CDK8: variants seen among roughly 807,000 people sequenced by gnomAD.
CDK8 encodes cyclin-dependent kinase 8.
A neutral mutation model predicts 71.5 loss-of-function variants in CDK8; 29 were observed. The observed-to-expected ratio is 0.41, with a 90% CI of 0.30 to 0.55. The LOEUF is 0.55. Among genes scored for constraint, CDK8 ranks in the 20% least tolerant of loss-of-function variants. The pLI is 0.37. For synonymous variants in CDK8, 161 were observed against 192.1 expected, an observed-to-expected ratio of 0.84 and a Z score of 1.34; for missense variants, 288 against 572.6, an observed-to-expected ratio of 0.50 and a Z score of 5.07.
intron 3 of CDK8, among the ~76,000 whole-genome samples, chr13:26,350,513 T>C (rs1028197949): frequency 2.6e-5 from 4 of 152,140 alleles, no homozygotes; most frequent in Admixed American, 2.6e-4. Flanking sequence ...GCACATGCTG[T>C]GGTCCCAGCT....
chr13:26,289,675 C>T lies in CDK8; in HGVS notation c.128+34906C>T, dbSNP rs151184947. 6.2e-3 allele frequency among the ~76,000 whole-genome samples: 936 copies of T among 152,078 alleles called. 2 individuals carry two copies. The highest frequency in any genetic ancestry group is 0.021 in the African/African-American group (891 of 41,476). On this transcript the variant is annotated intron_variant, in intron 1 of 12. Transcript: ENST00000381527. ...ACGCCATTCTCCTGCCTCAGCCTCC[C>T]GAGTAGCTGGGACTAAAGGCACCTG... is the stretch of plus-strand genomic sequence containing the variant.
chr13:26,306,061 ATTTG>A, intron 1 of CDK8, among the ~76,000 whole-genome samples: 1 of 152,120 alleles, frequency 6.6e-6, no homozygotes, highest in Admixed American at 6.5e-5. Context: ...AAGCACATTT[ATTTG>A]GTGCCTGAAA....
At chr13:26,344,899 T>C (rs1188042622) in intron 2 of CDK8, among the ~76,000 whole-genome samples, 2 of 152,054 alleles carry the variant, frequency 1.3e-5, no homozygotes, top group Non-Finnish European at 2.9e-5. Flanking sequence ...CACTCTACAA[T>C]AGTGATAAAA....
At chr13:26,332,155 T>C (rs1406662636) in intron 1 of CDK8, among the ~76,000 whole-genome samples, 1 of 152,166 alleles carries the variant, frequency 6.6e-6, no homozygotes, top group African/African-American at 2.4e-5. Context: ...ACGTTGATTT[T>C]GTAACCTGCA....
intron 5 of CDK8, among the ~76,000 whole-genome samples, chr13:26,384,298 T>TA (rs1395297344): frequency 2.0e-5 from 3 of 152,050 alleles, no homozygotes; most frequent in African/African-American, 7.3e-5. Context: ...CCTACTTCAT[T>TA]AAAAAATGTG....
At chr13:26,361,180 A>G (rs1015950215) in intron 4 of CDK8, among the ~76,000 whole-genome samples, 4 of 152,188 alleles carry the variant, frequency 2.6e-5, no homozygotes, top group Non-Finnish European at 5.9e-5. Context: ...ATTCAAAAAC[A>G]TCTTAAGGTT....
At chr13:26,380,024 G>A (rs961467618) in intron 4 of CDK8, among the ~76,000 whole-genome samples, 10 of 152,176 alleles carry the variant, frequency 6.6e-5, no homozygotes, top group African/African-American at 1.2e-4. Flanking sequence ...AAAGAATGGC[G>A]AAAACATGAA....
rs1408643493 is a variant in CDK8, at chr13:26,274,854, C to T, written c.128+20085C>T. ...ATTTATGACTTCTTAAATGTGTAAT[C>T]AAATGTATCAGTCTTTTATTGCTTC... On this transcript the variant is annotated intron_variant, in intron 1 of 12. Coordinates refer to ENST00000381527, the MANE Select transcript of CDK8 (RefSeq NM_001260.3). 6.6e-5 allele frequency among the ~76,000 whole-genome samples: 10 copies of T among 152,186 alleles called. No homozygotes were observed. The East Asian group carries it at 1.9e-3, about 29-fold the overall frequency.
intron 6 of CDK8, among the ~76,000 whole-genome samples, chr13:26,391,777 G>T (rs1451999271): frequency 6.6e-6 from 1 of 152,176 alleles, no homozygotes; most frequent in African/African-American, 2.4e-5. Context: ...TCTCTGATAT[G>T]TAAATACGAT....
chr13:26,322,808 C>G (rs985386304), intron 1 of CDK8, among the ~76,000 whole-genome samples: 1 of 152,018 alleles, frequency 6.6e-6, no homozygotes, highest in South Asian at 2.1e-4. Context: ...AAAGTCTGAT[C>G]AGGTCTTGTT....
chr13:26,387,481 G>A (rs1053944757), intron 6 of CDK8, among the ~76,000 whole-genome samples: 3 of 152,162 alleles, frequency 2.0e-5, no homozygotes, highest in African/African-American at 4.8e-5. Flanking sequence ...GCCAGAAGGC[G>A]CAGGTCTTTC....
At chr13:26,381,158 G>T (rs1293655903) in intron 4 of CDK8, among the ~76,000 whole-genome samples, 1 of 152,184 alleles carries the variant, frequency 6.6e-6, no homozygotes, top group Non-Finnish European at 1.5e-5. Flanking sequence ...CATGAGAGGA[G>T]AGTTCTAGCA....
At chr13:26,334,743 T>A (rs1872904858) in intron 1 of CDK8, among the ~76,000 whole-genome samples, 1 of 152,346 alleles carries the variant, frequency 6.6e-6, no homozygotes, top group South Asian at 2.1e-4. Flanking sequence ...ATTAATTGAT[T>A]TTATAAAGGC....
chr13:26,302,707 A>G (rs999495658), intron 1 of CDK8, among the ~76,000 whole-genome samples: 5 of 152,212 alleles, frequency 3.3e-5, no homozygotes, highest in African/African-American at 1.2e-4. Flanking sequence ...GGGGAGAGAT[A>G]TTGATGGGGG....
At chr13:26,393,572 C>T (rs910056757) in intron 7 of CDK8, 62 bp downstream of exon 7, 10 of 1,545,778 alleles carry the variant, frequency 6.5e-6, no homozygotes, top group Admixed American at 1.8e-5. Context: ...TAGATGTCTT[C>T]GTTGGAGAGG....
At chr13:26,380,039 T>C (rs1241462426) in intron 4 of CDK8, among the ~76,000 whole-genome samples, 2 of 151,784 alleles carry the variant, frequency 1.3e-5, no homozygotes, top group African/African-American at 2.4e-5. Flanking sequence ...CATGAAAACA[T>C]GCATGCAGCA....
intron 4 of CDK8, among the ~76,000 whole-genome samples, chr13:26,373,527 T>TC (rs972110031): frequency 2.0e-5 from 3 of 152,164 alleles, no homozygotes; most frequent in Non-Finnish European, 4.4e-5. Context: ...GCAAGGGCCA[T>TC]CACAGAATTG....
intron 4 of CDK8, among the ~76,000 whole-genome samples, chr13:26,378,965 A>G (rs542706315): frequency 3.3e-5 from 5 of 152,354 alleles, no homozygotes; most frequent in Non-Finnish European, 4.4e-5. Flanking sequence ...CTTCCTTAAT[A>G]CTGATTAAAC....
At chr13:26,329,483 G>GTTTTTTTTTTTTTTTTTTTTT (rs543441898) in intron 1 of CDK8, among the ~76,000 whole-genome samples, 2 of 128,492 alleles carry the variant, frequency 1.6e-5, no homozygotes, top group Admixed American at 8.0e-5. Context: ...TTTTTTTTTT[G>GTTTTTTTTTTTTTTTTTTTTT]TTTTTTTTTT....
Sources: gnomAD v4.1 joint callset for allele counts (sites outside exome capture counted in the v4.1 genomes callset) on GRCh38, gnomAD v4.1.1 for gene constraint, MANE v1.5 for transcripts, NCBI Gene and HGNC (gene_info 2026-07-23, HGNC 2026-07-21) for gene names.